The following SLC25A21 variants were observed in gnomAD, a reference collection of about 807,000 sequenced individuals.
SLC25A21 encodes solute carrier family 25 member 21, also known as mitochondrial 2-oxodicarboxylate carrier.
Under a neutral mutation model 43.8 loss-of-function variants are expected in SLC25A21, and 47 were observed. The observed-to-expected ratio is 1.07, with a 90% confidence interval of 0.85 to 1.37. The LOEUF (loss-of-function observed/expected upper bound fraction) is 1.37, where lower values mean the gene tolerates loss of function less well. Ranked by LOEUF, SLC25A21 falls within the 40% of genes most tolerant of loss-of-function variation. The pLI, the probability that SLC25A21 is intolerant of heterozygous loss-of-function variation, is 0.00. For missense variants in SLC25A21, 352 were observed against 350.2 expected (o/e 1.00, Z -0.04); for synonymous variants, 131 against 121.3 (o/e 1.08, Z -0.52).
intron 1 of SLC25A21, among the ~76,000 whole-genome samples, chr14:37,032,152 T>C (rs1961225227): frequency 6.6e-6 from 1 of 152,178 alleles, no homozygotes; most frequent in African/African-American, 2.4e-5. Flanking sequence ...ACAGAAAATA[T>C]TACATATAAA....
chr14:36,680,285 T>C lies in SLC25A21; in HGVS notation c.*373A>G. 1 of 973,524 alleles carries C rather than the reference T, an allele frequency of 1.0e-6. No homozygotes were observed. Among genetic ancestry groups the C allele is most frequent in the Non-Finnish European group, 1.2e-6 (1 of 826,260 alleles). The allele number at this position is 973,524 out of a possible 1,614,324, so 60.3% of individuals were successfully genotyped here. On this transcript the variant is annotated 3_prime_UTR_variant, in exon 10 of 10. Coordinates refer to ENST00000331299, the MANE Select transcript of SLC25A21 (RefSeq NM_030631.4). ...TGATTTATTTTCAATAGTTTAAGCATTTCTAGACCTCTTAGGAAAAATGCT... is the reference window on the plus strand; with the variant it reads ...TGATTTATTTTCAATAGTTTAAGCACTTCTAGACCTCTTAGGAAAAATGCT...
At chr14:36,895,470 G>T (rs1891211942) in intron 1 of SLC25A21, among the ~76,000 whole-genome samples, 1 of 151,970 alleles carries the variant, frequency 6.6e-6, no homozygotes, top group Non-Finnish European at 1.5e-5. Context: ...TATCAATTTT[G>T]TTGATCTTTT....
chr14:36,738,798 T>C (rs759365481), intron 3 of SLC25A21, among the ~76,000 whole-genome samples: 1 of 152,248 alleles, frequency 6.6e-6, no homozygotes, highest in Non-Finnish European at 1.5e-5. Flanking sequence ...TTAGCTCGTA[T>C]GTTTATGGAT....
intron 1 of SLC25A21, among the ~76,000 whole-genome samples, chr14:37,121,723 A>G (rs1292664636): frequency 3.9e-5 from 6 of 152,060 alleles, no homozygotes; most frequent in Non-Finnish European, 8.8e-5. Flanking sequence ...TGGGAGGTGG[A>G]GGTTGCAGTG....
intron 1 of SLC25A21, among the ~76,000 whole-genome samples, chr14:37,114,454 G>A (rs1044806020): frequency 5.9e-5 from 9 of 152,100 alleles, no homozygotes; most frequent in African/African-American, 2.2e-4. Context: ...AAACTTTGAA[G>A]GCAAGAAAAA....
chr14:37,025,327 A>G (rs1961071000), intron 1 of SLC25A21, among the ~76,000 whole-genome samples: 1 of 152,168 alleles, frequency 6.6e-6, no homozygotes, highest in African/African-American at 2.4e-5. Flanking sequence ...AGAACATGAG[A>G]TAACATAAAT....
intron 1 of SLC25A21, among the ~76,000 whole-genome samples, chr14:37,111,592 A>C (rs1190514105): frequency 6.6e-6 from 1 of 152,194 alleles, no homozygotes; most frequent in Non-Finnish European, 1.5e-5. Flanking sequence ...TGAATTAAAA[A>C]GAATATGTTT....
At chr14:37,010,525 GA>G (rs1222886057) in intron 1 of SLC25A21, among the ~76,000 whole-genome samples, 2 of 152,184 alleles carry the variant, frequency 1.3e-5, no homozygotes, top group African/African-American at 2.4e-5. Flanking sequence ...GCAGCAGGCA[GA>G]AAAGGAGAAG....
chr14:36,696,399 G>A (rs1431924609), intron 7 of SLC25A21, among the ~76,000 whole-genome samples: 2 of 152,136 alleles, frequency 1.3e-5, no homozygotes, highest in East Asian at 3.8e-4. Context: ...CCAGGCTTTG[G>A]TATCAGGATG....
At chr14:37,081,115 G>C (rs1962378763) in intron 1 of SLC25A21, among the ~76,000 whole-genome samples, 1 of 152,104 alleles carries the variant, frequency 6.6e-6, no homozygotes, top group African/African-American at 2.4e-5. Flanking sequence ...GACATTATAA[G>C]ACCCTGATCA....
intron 1 of SLC25A21, among the ~76,000 whole-genome samples, chr14:37,165,532 C>T (rs561951386): frequency 5.3e-5 from 8 of 152,236 alleles, no homozygotes; most frequent in South Asian, 2.1e-4. Flanking sequence ...CAGAGTGGGA[C>T]TGGCAGACTT....
chr14:36,837,104 G>C (rs555053503), intron 2 of SLC25A21, among the ~76,000 whole-genome samples: 9 of 152,286 alleles, frequency 5.9e-5, no homozygotes, highest in African/African-American at 1.9e-4. Flanking sequence ...CATGCCACCT[G>C]CAGAGTGATG....
intron 9 of SLC25A21, among the ~76,000 whole-genome samples, chr14:36,681,447 C>G (rs2139134091): frequency 6.6e-6 from 1 of 152,298 alleles, no homozygotes; most frequent in South Asian, 2.1e-4. Context: ...TACAGAAAAG[C>G]AGGCACTGAG....
intron 2 of SLC25A21, among the ~76,000 whole-genome samples, chr14:36,825,771 T>A (rs1472760392): frequency 6.6e-6 from 1 of 152,174 alleles, no homozygotes; most frequent in African/African-American, 2.4e-5. Context: ...AAATTAAACA[T>A]AATGCATGCT....
chr14:36,804,461 T>G (rs537226049), intron 3 of SLC25A21, among the ~76,000 whole-genome samples: 7 of 152,206 alleles, frequency 4.6e-5, no homozygotes, highest in Non-Finnish European at 1.0e-4. Flanking sequence ...ACTTGTTTCT[T>G]CACCAGAAAA....
At chr14:36,691,677 G>A (rs1882800624) in intron 7 of SLC25A21, among the ~76,000 whole-genome samples, 1 of 152,110 alleles carries the variant, frequency 6.6e-6, no homozygotes, top group Non-Finnish European at 1.5e-5. Flanking sequence ...AATATAGTGA[G>A]ACTGTCTTTA....
At chr14:37,074,741 G>A (rs1393152916) in intron 1 of SLC25A21, among the ~76,000 whole-genome samples, 1 of 152,104 alleles carries the variant, frequency 6.6e-6, no homozygotes, top group East Asian at 1.9e-4. Flanking sequence ...GCTGAGGCAG[G>A]AGAACTGCTG....
chr14:36,736,392 AT>A (rs1458923452), intron 3 of SLC25A21, among the ~76,000 whole-genome samples: 1 of 152,146 alleles, frequency 6.6e-6, no homozygotes, highest in Non-Finnish European at 1.5e-5. Context: ...ATCAACACGA[AT>A]TACTTCTAGC....
At chr14:36,941,809 T>C (rs967237953) in intron 1 of SLC25A21, among the ~76,000 whole-genome samples, 1 of 151,956 alleles carries the variant, frequency 6.6e-6, no homozygotes, top group African/African-American at 2.4e-5. Context: ...AAATACATAA[T>C]TTTAGAGGTT....
Sources: allele counts gnomAD v4.1 joint callset (sites outside exome capture counted in the v4.1 genomes callset), GRCh38; gene constraint gnomAD v4.1.1; transcripts MANE v1.5; gene names NCBI Gene and HGNC (gene_info 2026-07-23, HGNC 2026-07-21).